The following ETV6 variants were observed in gnomAD, a reference collection of about 807,000 sequenced individuals.
ETV6 encodes ETS variant transcription factor 6.
ETV6 carries 16 observed loss-of-function variants against 51.1 expected under a neutral mutation model. That is an observed-to-expected ratio of 0.31 (90% CI 0.21 to 0.48). The LOEUF is 0.48. ETV6 is among the 20% of genes least tolerant of loss of function. ETV6 has a pLI of 0.99. For missense variants in ETV6, 458 were observed against 594.8 expected, an observed-to-expected ratio of 0.77 and a Z score of 2.39; for synonymous variants, 240 against 224.1, an observed-to-expected ratio of 1.07 and a Z score of -0.64.
intron 5 of ETV6, among the ~76,000 whole-genome samples, chr12:11,881,819 T>G (rs905329989): frequency 6.6e-6 from 1 of 152,240 alleles, no homozygotes; most frequent in African/African-American, 2.4e-5. Context: ...ACTGCTTTGC[T>G]TAGAAACTAG....
Position 11,743,452 on chromosome 12 carries a change from C to G in ETV6, c.34-8998C>G, listed in dbSNP as rs992549039. On this transcript the variant is annotated intron_variant, in intron 1 of 7. Transcript: ENST00000396373. ...TCCTGGTTGTAACCCAGCCTTCTTC[C>G]TTACAGATGGGGGTGAGGGTTGGGG... Among the ~76,000 whole-genome samples, 5 of 152,244 alleles carry G rather than the reference C, an allele frequency of 3.3e-5. No homozygotes were observed. In the South Asian group the frequency reaches 1.0e-3, roughly 32 times the overall value.
intron 1 of ETV6, among the ~76,000 whole-genome samples, chr12:11,650,499 A>AC (rs1863881222): frequency 1.2e-5 from 1 of 82,196 alleles, no homozygotes; most frequent in Admixed American, 1.4e-4. Flanking sequence ...AAAAAAACAA[A>AC]AAACAAAAAA....
intron 2 of ETV6, among the ~76,000 whole-genome samples, chr12:11,789,476 C>G (rs74060850): frequency 0.078 from 11,855 of 152,230 alleles, 654 homozygotes; most frequent in African/African-American, 0.16. Context: ...TGGGCTTCAG[C>G]TTGGTGCCCA....
chr12:11,886,112 C>A, intron 7 of ETV6, 86 bp downstream of exon 7: 1 of 908,126 alleles, frequency 1.1e-6, no homozygotes, highest in Non-Finnish European at 1.8e-6. Flanking sequence ...CTGTTAAGAT[C>A]TCTACCTGCC....
intron 3 of ETV6, among the ~76,000 whole-genome samples, chr12:11,847,676 G>T (rs114876741): frequency 0.011 from 1,622 of 152,326 alleles, 26 homozygotes; most frequent in African/African-American, 0.036. Flanking sequence ...CAACAGGGAG[G>T]TGACCTGAGC....
rs1168166477 is a variant in ETV6 at position 11,827,535 on chromosome 12, A to G, written c.164-11605A>G. ...CACCTCTTTCGCACTCCCTTCTCCC[A>G]GCCCCCGCGCCCTGCCCCCACACCT... On this transcript the variant is annotated intron_variant, in intron 2 of 7. Transcript: ENST00000396373. 4.6e-5 allele frequency among the ~76,000 whole-genome samples: 7 copies of G among 152,124 alleles called. No homozygotes were observed. The East Asian group carries it at 1.3e-3, about 29-fold the overall frequency.
chr12:11,791,668 G>C (rs1040574102), intron 2 of ETV6, among the ~76,000 whole-genome samples: 3 of 152,082 alleles, frequency 2.0e-5, no homozygotes, highest in African/African-American at 7.2e-5. Flanking sequence ...TTATATTTTT[G>C]TTTTTACACT....
intron 4 of ETV6, among the ~76,000 whole-genome samples, chr12:11,867,230 A>G (rs796312125): frequency 6.6e-6 from 1 of 152,178 alleles, no homozygotes; most frequent in Non-Finnish European, 1.5e-5. Context: ...GTTGAACTGA[A>G]ATTGCCCCTT....
intron 2 of ETV6, among the ~76,000 whole-genome samples, chr12:11,800,779 T>A (rs1000373785): frequency 2.6e-5 from 4 of 152,074 alleles, no homozygotes; most frequent in Non-Finnish European, 5.9e-5. Flanking sequence ...CCAGAAAGAA[T>A]TAAAAAGTAG....
At chr12:11,835,272 G>C (rs1475466379) in intron 2 of ETV6, among the ~76,000 whole-genome samples, 1 of 152,194 alleles carries the variant, frequency 6.6e-6, no homozygotes, top group Non-Finnish European at 1.5e-5. Flanking sequence ...TAAAAATGCT[G>C]ATCTTAGTAA....
chr12:11,869,753 G>A lies in ETV6; in HGVS notation c.793G>A (p.Val265Met), dbSNP rs1047383225. ...PSSPRQESTR[V>M]IQLMPSPIMH... Reference sequence around the variant, plus strand: ...CAGCCCCCGGCAGGAGAGCACACGCGTGATCCAGCTGATGCCCAGCCCCAT... The same window carrying A: ...CAGCCCCCGGCAGGAGAGCACACGCATGATCCAGCTGATGCCCAGCCCCAT... Residue 265 changes from valine to methionine, a missense_variant, in exon 5 of 8, where the codon GTG becomes ATG. Transcript: ENST00000396373. The surrounding 1 kb of genome is among the most constrained non-coding windows in gnomAD (Gnocchi z 5.0). The A allele has an allele frequency of 3.7e-6, 6 of 1,613,498 alleles. No individual in the cohort carries two copies. Among genetic ancestry groups the A allele is most frequent in the East Asian group, 2.2e-5 (1 of 44,872 alleles).
In ETV6 at chr12:11,893,101, A is replaced by C. The variant is rs1208145305; in HGVS notation, c.*2055A>C. 2 of 232,764 alleles carry C rather than the reference A, an allele frequency of 8.6e-6. No individual in the cohort carries two copies. Among genetic ancestry groups the C allele is most frequent in the African/African-American group, 4.4e-5 (2 of 45,320 alleles). The allele number at this position is 232,764 out of a possible 1,614,324, so 14.4% of individuals were successfully genotyped here. A position where few individuals can be genotyped will look rare whatever the true frequency, so the allele number is the denominator to read the frequency against. On this transcript the variant is annotated 3_prime_UTR_variant, in exon 8 of 8. Transcript: ENST00000396373. ...CTCAGCACGCTGCAGGTGTCTTTTG[A>C]GAGCATTCAGTAGGACATGGTGATC...
intron 5 of ETV6, among the ~76,000 whole-genome samples, chr12:11,874,542 GTACACACATATA>G (rs1946939009): frequency 2.1e-4 from 1 of 4,796 alleles, no homozygotes; most frequent in African/African-American, 3.9e-4. Flanking sequence ...ATGTGCGTGT[GTACACACATATA>G]TGTGTATGTG....
chr12:11,870,627 A>G (rs1308169823), intron 5 of ETV6, among the ~76,000 whole-genome samples: 1 of 152,348 alleles, frequency 6.6e-6, no homozygotes, highest in Admixed American at 6.5e-5. Context: ...ATTCTTCAGA[A>G]GCTTAATCCT....
intron 2 of ETV6, among the ~76,000 whole-genome samples, chr12:11,779,013 G>A (rs1049633830): frequency 1.4e-4 from 22 of 152,174 alleles, no homozygotes; most frequent in African/African-American, 5.1e-4. Flanking sequence ...AGATACTAGC[G>A]TGGCTTTTGT....
chr12:11,677,856 A>C (rs1864451021), intron 1 of ETV6, among the ~76,000 whole-genome samples: 1 of 152,224 alleles, frequency 6.6e-6, no homozygotes, highest in Non-Finnish European at 1.5e-5. Context: ...CACTTGACAT[A>C]CACCTGCTCA....
intron 2 of ETV6, among the ~76,000 whole-genome samples, chr12:11,805,573 G>A (rs981696660): frequency 1.3e-5 from 2 of 152,242 alleles, no homozygotes; most frequent in Non-Finnish European, 2.9e-5. Context: ...TGAAAGCTAA[G>A]TAGGAGTTAA....
intron 1 of ETV6, among the ~76,000 whole-genome samples, chr12:11,720,684 A>T (rs1248058855): frequency 6.6e-6 from 1 of 152,224 alleles, no homozygotes; most frequent in Non-Finnish European, 1.5e-5. Flanking sequence ...ATTTTTGGCT[A>T]AGTCCCCAAA....
intron 2 of ETV6, among the ~76,000 whole-genome samples, chr12:11,767,413 A>G (rs1394687443): frequency 6.6e-6 from 1 of 152,258 alleles, no homozygotes; most frequent in African/African-American, 2.4e-5. Flanking sequence ...GAATTTGTAG[A>G]TCAATTTGGC....
Sources: allele counts gnomAD v4.1 joint callset (sites outside exome capture counted in the v4.1 genomes callset), GRCh38; gene constraint gnomAD v4.1.1; non-coding constraint Gnocchi (gnomAD v3.1); transcripts MANE v1.5; gene names NCBI Gene and HGNC (gene_info 2026-07-23, HGNC 2026-07-21).